MECR: variants seen among roughly 807,000 people sequenced by gnomAD.
The protein encoded by MECR is mitochondrial trans-2-enoyl-CoA reductase.
In MECR, 37 loss-of-function variants were observed where a neutral mutation model predicts 49.1. That is an observed-to-expected ratio of 0.75 (90% CI 0.58 to 0.99). The LOEUF (loss-of-function observed/expected upper bound fraction) is 0.99. MECR is among the 50% of genes least tolerant of loss of function. The pLI, the probability that MECR is intolerant of heterozygous loss-of-function variation, is 0.00. For synonymous variants in MECR, 198 were observed against 191.1 expected (o/e 1.04, Z -0.30); for missense variants, 470 against 479.6 (o/e 0.98, Z 0.19).
At chr1:29,202,367 C>T (rs2151860548) in intron 5 of MECR, among the ~76,000 whole-genome samples, 1 of 152,298 alleles carries the variant, frequency 6.6e-6, no homozygotes, top group East Asian at 1.9e-4. Context: ...ACTCCACTTC[C>T]CCCCTCTTTT....
In MECR at chr1:29,211,016, T is replaced by C. The variant is rs77265551; in HGVS notation, c.407-4111A>G. 6.1e-3 allele frequency among the ~76,000 whole-genome samples: 936 copies of C among 152,320 alleles called. 9 individuals carry two copies. The highest frequency in any genetic ancestry group is 0.021 in the African/African-American group (890 of 41,580). On this transcript the variant is annotated intron_variant, in intron 3 of 9. Transcript: ENST00000263702. Reference sequence around the variant, plus strand: ...AACTGACCCTTAACCATCTCCATTGTTGAACTTGGGGGTCAGCAAACTGTG... The same window carrying C: ...AACTGACCCTTAACCATCTCCATTGCTGAACTTGGGGGTCAGCAAACTGTG...
chr1:29,183,866 TTTTA>T, the MECR span, among the ~76,000 whole-genome samples: 1 of 148,974 alleles, frequency 6.7e-6, no homozygotes, highest in Admixed American at 6.8e-5. Context: ...ATTTTTAAAT[TTTTA>T]TTTATTCTAC....
the MECR span, among the ~76,000 whole-genome samples, chr1:29,175,635 C>T: frequency 8.6e-6 from 1 of 116,722 alleles, no homozygotes; most frequent in Non-Finnish European, 1.6e-5. Context: ...GCGGAGCTTG[C>T]AGTGAGCCGA....
chr1:29,196,137 T>C (rs755589163), intron 8 of MECR, 61 bp downstream of exon 8: 2 of 1,601,554 alleles, frequency 1.2e-6, no homozygotes, highest in South Asian at 1.1e-5. Flanking sequence ...TGCCAGGGGA[T>C]GTGGCCTGGC....
intron 7 of MECR, 197 bp downstream of exon 7, chr1:29,200,318 AT>A (rs1675007888): frequency 2.2e-6 from 1 of 459,420 alleles, no homozygotes; most frequent in Middle Eastern, 6.0e-4. Flanking sequence ...ATAGGCCAAA[AT>A]TTTGGTCATC....
downstream of MECR, among the ~76,000 whole-genome samples, chr1:29,190,145 C>T (rs12402114): frequency 0.11 from 17,431 of 151,842 alleles, 1,355 homozygotes; most frequent in East Asian, 0.41. Flanking sequence ...GAGGCTGAGG[C>T]GGGCGGATCA....
downstream of MECR, among the ~76,000 whole-genome samples, chr1:29,190,350 C>T (rs1397027762): frequency 6.7e-6 from 1 of 149,902 alleles, no homozygotes; most frequent in Admixed American, 6.7e-5. Flanking sequence ...GACTCCGTCT[C>T]AAAAAAACAA....
chr1:29,181,840 G>GCGGCAA, the MECR span: 1 of 1,086,202 alleles, frequency 9.2e-7, no homozygotes, highest in Non-Finnish European at 1.2e-6. Flanking sequence ...AGCGGCGGCG[G>GCGGCAA]CGGCAACGGG....
intron 1 of MECR, chr1:29,223,392 G>T: frequency 1.9e-6 from 1 of 529,844 alleles, no homozygotes; most frequent in Non-Finnish European, 2.4e-6. Flanking sequence ...GCATTAGCTA[G>T]CTCTGCTGAG....
chr1:29,176,554 A>G, the MECR span, among the ~76,000 whole-genome samples: 3 of 152,120 alleles, frequency 2.0e-5, no homozygotes, highest in Non-Finnish European at 2.9e-5. Flanking sequence ...AACCTGGAAC[A>G]TTAAACTAAC....
the MECR span, among the ~76,000 whole-genome samples, chr1:29,179,817 C>A: frequency 6.6e-6 from 1 of 152,174 alleles, no homozygotes; most frequent in African/African-American, 2.4e-5. Flanking sequence ...TTAATTTATT[C>A]AAGAGCAGAA....
chr1:29,184,113 C>T, the MECR span, among the ~76,000 whole-genome samples: 1 of 148,686 alleles, frequency 6.7e-6, no homozygotes, highest in Non-Finnish European at 1.5e-5. Context: ...CTCCTGACCT[C>T]GTGATCTGCC....
intron 7 of MECR, among the ~76,000 whole-genome samples, chr1:29,199,931 T>A (rs1242833844): frequency 7.1e-6 from 1 of 141,322 alleles, no homozygotes; most frequent in African/African-American, 2.7e-5. Context: ...AAAAAATTAA[T>A]TTTTTTTTTT....
chr1:29,228,228 A>T (rs1163909586), intron 1 of MECR, among the ~76,000 whole-genome samples: 1 of 151,638 alleles, frequency 6.6e-6, no homozygotes, highest in African/African-American at 2.4e-5. Context: ...TAAATAAATA[A>T]ATAAATATAT....
intron 1 of MECR, among the ~76,000 whole-genome samples, chr1:29,227,278 A>G (rs554161846): frequency 9.9e-5 from 15 of 152,250 alleles, no homozygotes; most frequent in African/African-American, 2.2e-4. Context: ...GTTTCTGGGA[A>G]CTATCTGATA....
chr1:29,169,170 G>A, the MECR span: 3 of 152,210 alleles, frequency 2.0e-5, no homozygotes, highest in African/African-American at 7.2e-5. Flanking sequence ...TCACAACTCT[G>A]AGGTTTACTG....
rs536512736 is a variant in MECR, at chr1:29,230,844, G to A, written c.63C>T (p.Leu21=). Residue 21 remains leucine (L), a synonymous_variant, in exon 1 of 10, where the codon CTC becomes CTT. Coordinates refer to ENST00000263702, the MANE Select transcript of MECR (RefSeq NM_016011.5). The part of the protein sequence containing the change: ...RTPARQWRGL[L]PASGCHGPAA... ...CAGGTCCGTGACAGCCAGAAGCTGG[G>A]AGCAGCCCCCGCCACTGCCGGGCGG... 2.5e-6 allele frequency: 4 copies of A among 1,605,644 alleles called. No homozygotes were observed. In the South Asian group the frequency reaches 4.4e-5, roughly 18 times the overall value.
chr1:29,168,594 C>T, the MECR span: 1 of 152,158 alleles, frequency 6.6e-6, no homozygotes, highest in Non-Finnish European at 1.5e-5. Context: ...CAGTGTCAGC[C>T]ATCTGGTCCT....
At chr1:29,223,265 G>T (rs761137105) in intron 1 of MECR, 88 of 985,248 alleles carry the variant, frequency 8.9e-5, no homozygotes, top group Non-Finnish European at 1.1e-4. Flanking sequence ...GTACACCTGT[G>T]ATGCCATATG....
Sources: gnomAD v4.1 joint callset for allele counts (sites outside exome capture counted in the v4.1 genomes callset) on GRCh38, gnomAD v4.1.1 for gene constraint, MANE v1.5 for transcripts, NCBI Gene and HGNC (gene_info 2026-07-23, HGNC 2026-07-21) for gene names.